The following URB2 variants were observed in gnomAD, a reference collection of about 807,000 sequenced individuals.
URB2 encodes unhealthy ribosome biogenesis protein 2 homolog.
URB2 carries 86 observed loss-of-function variants against 120.9 expected under a neutral mutation model. The observed-to-expected ratio is 0.71, with a 90% CI of 0.60 to 0.85. The LOEUF (loss-of-function observed/expected upper bound fraction) is 0.85. Ranked by LOEUF, URB2 falls within the 40% of genes least tolerant of loss-of-function variation. The pLI is 0.00. For missense variants in URB2, 1,765 were observed against 1,836.5 expected (o/e 0.96, Z 0.71); for synonymous variants, 755 against 758.4 (o/e 1.00, Z 0.07).
intron 9 of URB2, among the ~76,000 whole-genome samples, chr1:229,654,989 T>A (rs1666373514): frequency 6.6e-6 from 1 of 152,156 alleles, no homozygotes; most frequent in Non-Finnish European, 1.5e-5. Context: ...AGGACCAGGC[T>A]TAATGGAGAC....
rs1275972661 is a variant in URB2 at position 229,637,497 on chromosome 1, T to G, written c.2884T>G (p.Phe962Val). The G allele has an allele frequency of 6.2e-7, 1 of 1,614,238 alleles. No homozygotes were observed. Among genetic ancestry groups the G allele is most frequent in the Admixed American group, 1.7e-5 (1 of 60,026 alleles). Residue 962 changes from phenylalanine (F) to valine (V), a missense_variant, in exon 4 of 10, where the codon TTC (phenylalanine) becomes GTC (valine). Transcript: ENST00000258243. ...AAAGGGGAAAAGTGCTCGCTCTGTG[T>G]TCAAGATCATGTATGGTAGTGATAT... ...LQKGKSARSV[F>V]KIMYGSDIFE...
At position 229,628,130 on chromosome 1, in the gene URB2, TATATA is replaced by T. The variant is rs1369180202; in HGVS notation, c.126+377_126+381del. Among the ~76,000 whole-genome samples the T allele has an allele frequency of 3.6e-5, 5 of 137,336 alleles. No homozygotes were observed. The East Asian group carries it at 7.9e-4, about 22-fold the overall frequency. The allele number at this position is 137,336 out of a possible 152,430, so 90.1% of individuals were successfully genotyped here. On this transcript the variant is annotated intron_variant, in intron 2 of 9. Coordinates refer to ENST00000258243, the MANE Select transcript of URB2 (RefSeq NM_014777.4). Reference sequence around the variant, plus strand: ...ATATGTATATATATGTATATATACATATATAATATATATATAATATATATAGTATA... The same window carrying T: ...ATATGTATATATATGTATATATACATATATATATATAATATATATAGTATA...
At chr1:229,643,771 G>A in intron 5 of URB2, 78 bp downstream of exon 5, 1 of 1,543,200 alleles carries the variant, frequency 6.5e-7, no homozygotes, top group Non-Finnish European at 8.7e-7. Context: ...TTGAGATGTG[G>A]TGTCACCCTT....
In URB2 at chr1:229,655,953, G is replaced by A. The variant is rs759952266; in HGVS notation, c.4377+1565G>A. The stretch of plus-strand genomic sequence containing the variant: ...AGAACTACTAAATAATTTCTACCCC[G>A]CTGGCCTTGCTCACCTCGGCAGGTG... On this transcript the variant is annotated intron_variant, in intron 9 of 9. Coordinates refer to ENST00000258243, the MANE Select transcript of URB2 (RefSeq NM_014777.4). Among the ~76,000 whole-genome samples, 108 of 152,252 alleles carry A rather than the reference G, an allele frequency of 7.1e-4. 2 individuals carry two copies. Among genetic ancestry groups the A allele is most frequent in the Non-Finnish European group, 1.2e-3 (82 of 68,024 alleles).
intron 2 of URB2, among the ~76,000 whole-genome samples, chr1:229,631,836 C>A (rs1357526822): frequency 6.6e-6 from 1 of 152,096 alleles, no homozygotes; most frequent in African/African-American, 2.4e-5. Flanking sequence ...GGGAGAATTA[C>A]CAAAATGTGG....
At chr1:229,633,397 A>C (rs1300458382) in intron 3 of URB2, among the ~76,000 whole-genome samples, 2 of 152,244 alleles carry the variant, frequency 1.3e-5, no homozygotes, top group African/African-American at 4.8e-5. Context: ...ATTTTTATGT[A>C]TGCTTCATAA....
chr1:229,635,417 G>A lies in URB2; in HGVS notation c.804G>A (p.Thr268=), dbSNP rs749934225. 1.2e-5 allele frequency: 20 copies of A among 1,613,876 alleles called. No individual in the cohort carries two copies. In the Admixed American group the frequency reaches 2.5e-4, roughly 20 times the overall value. ...LLDQQQGDVK[T]GAMKNLLAPM... ...ACCAGCAGCAAGGGGATGTGAAGAC[G>A]GGAGCCATGAAGAACCTTCTGGCTC... The change falls in exon 4 of 10, where the codon ACG becomes ACA. Residue 268 remains threonine (T), a synonymous_variant. Coordinates refer to ENST00000258243, the MANE Select transcript of URB2 (RefSeq NM_014777.4).
chr1:229,635,296 T>C lies in URB2; in HGVS notation c.683T>C (p.Val228Ala). 6.2e-7 allele frequency: 1 copy of C among 1,614,152 alleles called. No individual in the cohort carries two copies. Among genetic ancestry groups the C allele is most frequent in the Non-Finnish European group, 8.5e-7 (1 of 1,180,000 alleles). ...GCTGGCCAGGGCCAGCTGAGGCAGGTGCTGAGCCGGGACATCAGGAGTCAG... is the reference window on the plus strand; with the variant it reads ...GCTGGCCAGGGCCAGCTGAGGCAGGCGCTGAGCCGGGACATCAGGAGTCAG... ...TQAGQGQLRQ[V>A]LSRDIRSQIE... Residue 228 changes from valine (V) to alanine (A), a missense_variant, in exon 4 of 10, where the codon GTG becomes GCG. Val to Ala is a moderately conservative substitution (Grantham distance 64, BLOSUM62 0). Transcript: ENST00000258243.
intron 8 of URB2, among the ~76,000 whole-genome samples, chr1:229,653,264 A>G (rs573453667): frequency 6.6e-6 from 1 of 152,358 alleles, no homozygotes; most frequent in African/African-American, 2.4e-5. Flanking sequence ...GGTCTTCAAA[A>G]AAGATATGCC....
intron 8 of URB2, among the ~76,000 whole-genome samples, chr1:229,651,903 C>G (rs982540369): frequency 6.6e-6 from 1 of 152,040 alleles, no homozygotes; most frequent in Non-Finnish European, 1.5e-5. Context: ...AATTGCTGGC[C>G]GGGCGCAGTG....
chr1:229,651,157 T>G lies in URB2; in HGVS notation c.4150-78T>G, dbSNP rs144129204. ...CCGATAGACTAGGCTAAGAAAGAAA[T>G]AAGTATGAGCTCCTTTAAAGTAGAA... is the stretch of plus-strand genomic sequence containing the variant. On this transcript the variant is annotated intron_variant, in intron 7 of 9. Transcript: ENST00000258243. The G allele has an allele frequency of 2.2e-5, 29 of 1,345,488 alleles. No homozygotes were observed. The African/African-American group carries it at 2.8e-4, about 13-fold the overall frequency. The allele number at this position is 1,345,488 out of a possible 1,614,324, so 83.3% of individuals were successfully genotyped here.
chr1:229,649,279 C>A (rs192715265), intron 7 of URB2, among the ~76,000 whole-genome samples: 7 of 152,296 alleles, frequency 4.6e-5, no homozygotes, highest in Non-Finnish European at 8.8e-5. Context: ...AACTCTAAAG[C>A]CTTCCCCTGT....
rs1310585294 is a variant in URB2, at chr1:229,637,051, C to T, written c.2438C>T (p.Thr813Met). 8.1e-6 allele frequency: 13 copies of T among 1,613,946 alleles called. No individual in the cohort carries two copies. The highest frequency in any genetic ancestry group is 2.2e-5 in the South Asian group (2 of 91,090). ...CAGTCCCTTCATTCTGCTTTCTTAA[C>T]GTGCGTAACCACAAGTTGCTCCAGC... The part of the protein sequence containing the change: ...EMQSLHSAFL[T>M]CVTTSCSSIL... Residue 813 changes from threonine (T) to methionine (M), a missense_variant, in exon 4 of 10, where the codon ACG (threonine) becomes ATG (methionine). Physicochemically the swap from Thr to Met is moderately conservative, Grantham distance 81. Coordinates refer to ENST00000258243, the MANE Select transcript of URB2 (RefSeq NM_014777.4).
Position 229,659,380 on chromosome 1 carries a change from T to A in URB2, c.*83T>A. The A allele has an allele frequency of 7.1e-7, 1 of 1,413,312 alleles. No homozygotes were observed. Among genetic ancestry groups the A allele is most frequent in the Non-Finnish European group, 9.8e-7 (1 of 1,023,686 alleles). The allele number at this position is 1,413,312 out of a possible 1,614,324, so 87.5% of individuals were successfully genotyped here. ...TGAAAGAGCTGGAGAATGAAAGACT[T>A]AAGATGTTCTAATTCGTAGTATTGG... On this transcript the variant is annotated 3_prime_UTR_variant, in exon 10 of 10. Coordinates refer to ENST00000258243, the MANE Select transcript of URB2 (RefSeq NM_014777.4).
rs754493494 is a variant in URB2, at chr1:229,638,020, G to A, written c.3407G>A (p.Gly1136Glu). ...ADLGQHCRDG[G>E]ADISQGSDRT... is the part of the protein sequence containing the mutation. ...CTGGGTCAGCACTGCAGGGATGGAG[G>A]GGCCGACATTTCCCAAGGAAGCGAC... The change falls in exon 4 of 10, where the codon GGG becomes GAG. Residue 1136 changes from glycine (G) to glutamate (E), a missense_variant. Transcript: ENST00000258243. 4 of 1,613,160 alleles carry A rather than the reference G, an allele frequency of 2.5e-6. No homozygotes were observed. The highest frequency in any genetic ancestry group is 3.4e-6 in the Non-Finnish European group (4 of 1,179,404).
chr1:229,632,651 A>C (rs1163248380), intron 3 of URB2, among the ~76,000 whole-genome samples: 1 of 152,240 alleles, frequency 6.6e-6, no homozygotes, highest in African/African-American at 2.4e-5. Flanking sequence ...TATTCAAAAA[A>C]AGCTTGGAAC....
chr1:229,644,640 G>A (rs1666094064), intron 5 of URB2, among the ~76,000 whole-genome samples: 1 of 152,184 alleles, frequency 6.6e-6, no homozygotes, highest in African/African-American at 2.4e-5. Context: ...CTGTAGGTGG[G>A]CAGGAGAGTG....
At position 229,632,349 on chromosome 1, in the gene URB2, G is replaced by A. The variant is rs1397161715; in HGVS notation, c.207G>A (p.Arg69=). Residue 69 remains arginine, a synonymous_variant, in exon 3 of 10, where the codon AGG becomes AGA. Coordinates refer to ENST00000258243, the MANE Select transcript of URB2 (RefSeq NM_014777.4). Reference sequence around the variant, plus strand: ...AACTGAAGGAAGATATTGTTGAAAGGCTTTGGATCTATATAGATAACATTT... The same window carrying A: ...AACTGAAGGAAGATATTGTTGAAAGACTTTGGATCTATATAGATAACATTT... ...KLELKEDIVE[R]LWIYIDNILH... is the part of the protein sequence containing the mutation. 2.6e-5 allele frequency: 42 copies of A among 1,594,690 alleles called. No homozygotes were observed. Among genetic ancestry groups the A allele is most frequent in the Non-Finnish European group, 3.4e-5 (40 of 1,173,828 alleles).
rs1381684684 is a variant in URB2, at chr1:229,659,939, T to A, written c.*642T>A. 1 of 152,186 alleles carries A rather than the reference T, an allele frequency of 6.6e-6. No individual in the cohort carries two copies. The highest frequency in any genetic ancestry group is 1.9e-4 in the East Asian group (1 of 5,200). The allele number at this position is 152,186 out of a possible 1,614,324, so 9.4% of individuals were successfully genotyped here. A position where few individuals can be genotyped will look rare whatever the true frequency, so the allele number is the denominator to read the frequency against. Reference sequence around the variant, plus strand: ...GCTCTGTGAAGTTCATTTAGGAATTTTTTTTTCCTATGCAGTTTAAGAAAT... The same window carrying A: ...GCTCTGTGAAGTTCATTTAGGAATTATTTTTTCCTATGCAGTTTAAGAAAT... On this transcript the variant is annotated 3_prime_UTR_variant, in exon 10 of 10. Transcript: ENST00000258243.
Sources: gnomAD v4.1 joint callset for allele counts (sites outside exome capture counted in the v4.1 genomes callset) on GRCh38, gnomAD v4.1.1 for gene constraint, MANE v1.5 for transcripts, NCBI Gene and HGNC (gene_info 2026-07-23, HGNC 2026-07-21) for gene names.